The following SLC39A11 variants were observed in gnomAD, a reference collection of about 807,000 sequenced individuals.
The protein encoded by SLC39A11 is solute carrier family 39 member 11.
Under a neutral mutation model 36.1 loss-of-function variants are expected in SLC39A11, and 33 were observed. The ratio of observed to expected loss-of-function variants is 0.91; its 90% CI spans 0.69 to 1.22. The LOEUF (loss-of-function observed/expected upper bound fraction) is 1.22, where lower values mean the gene tolerates loss of function less well. SLC39A11 is among the 50% of genes most tolerant of loss of function. SLC39A11 has a pLI of 0.00. For missense variants in SLC39A11, 432 were observed against 430.3 expected, an observed-to-expected ratio of 1.00 and a Z score of -0.03; for synonymous variants, 166 against 170.3, an observed-to-expected ratio of 0.97 and a Z score of 0.20.
intron 7 of SLC39A11, among the ~76,000 whole-genome samples, chr17:72,686,665 C>T (rs746887023): frequency 1.8e-4 from 28 of 152,204 alleles, no homozygotes; most frequent in Non-Finnish European, 2.8e-4. Flanking sequence ...TATGGCCCAA[C>T]GACATGCTAG....
intron 3 of SLC39A11, among the ~76,000 whole-genome samples, chr17:73,078,492 G>GTTTT (rs200061489): frequency 1.4e-5 from 2 of 140,414 alleles, no homozygotes; most frequent in Non-Finnish European, 1.6e-5. Flanking sequence ...TTTGTTTTTT[G>GTTTT]TTGTTTTTTT....
intron 5 of SLC39A11, among the ~76,000 whole-genome samples, chr17:72,897,649 T>A (rs980399256): frequency 6.6e-6 from 1 of 152,210 alleles, no homozygotes; most frequent in Non-Finnish European, 1.5e-5. Context: ...GAGTTCAGCA[T>A]CTCATAAGCG....
chr17:72,807,753 G>T lies in SLC39A11; in HGVS notation c.601+41881C>A, dbSNP rs577683349. On this transcript the variant is annotated intron_variant, in intron 6 of 9. Transcript: ENST00000255559. ...TCTTCCATCTGGCTGTTCCTGAGTT[G>T]TATCCTTTTAGGATAAAGTGGTAAT... 2.6e-5 allele frequency among the ~76,000 whole-genome samples: 4 copies of T among 152,316 alleles called. No individual in the cohort carries two copies. In the South Asian group the frequency reaches 6.2e-4, roughly 24 times the overall value.
intron 6 of SLC39A11, among the ~76,000 whole-genome samples, chr17:72,772,866 C>T (rs1306478286): frequency 6.6e-6 from 1 of 152,052 alleles, no homozygotes; most frequent in Non-Finnish European, 1.5e-5. Context: ...GATGGATCAC[C>T]TGAGGTCAGG....
intron 6 of SLC39A11, among the ~76,000 whole-genome samples, chr17:72,799,319 T>C (rs2077005933): frequency 6.6e-6 from 1 of 152,184 alleles, no homozygotes; most frequent in Non-Finnish European, 1.5e-5. Context: ...ACTGTACAAA[T>C]TGATTGTAAA....
Position 73,009,092 on chromosome 17 carries a change from GGTGGCTCAC to G in SLC39A11, c.306+22455_306+22463del, listed in dbSNP as rs149724663. ...AAAAAAAAAAAAGGCAGGGGGGCGGGGTGGCTCACGCCTGTAATTTCAGCACTTTGGGAG... is the reference window on the plus strand; with the variant it reads ...AAAAAAAAAAAAGGCAGGGGGGCGGGGCCTGTAATTTCAGCACTTTGGGAG... On this transcript the variant is annotated intron_variant, in intron 4 of 9. Transcript: ENST00000255559. Among the ~76,000 whole-genome samples, 4 of 146,920 alleles carry G rather than the reference GGTGGCTCAC, an allele frequency of 2.7e-5. No individual in the cohort carries two copies. In the East Asian group the frequency reaches 8.2e-4, roughly 30 times the overall value.
intron 5 of SLC39A11, among the ~76,000 whole-genome samples, chr17:72,864,309 CTTTT>C (rs36113238): frequency 4.3e-5 from 6 of 138,324 alleles, no homozygotes; most frequent in Non-Finnish European, 9.4e-5. Context: ...TAAGCATCGG[CTTTT>C]TTTTTTTTTT....
intron 4 of SLC39A11, among the ~76,000 whole-genome samples, chr17:72,974,431 CAAAAAAA>C (rs35927526): frequency 6.0e-5 from 8 of 132,404 alleles, no homozygotes; most frequent in African/African-American, 2.3e-4. Flanking sequence ...CATTTTGTAC[CAAAAAAA>C]AAAAAAAAAA....
At chr17:72,701,014 G>A (rs1022842810) in intron 7 of SLC39A11, among the ~76,000 whole-genome samples, 9 of 152,222 alleles carry the variant, frequency 5.9e-5, no homozygotes, top group Non-Finnish European at 1.0e-4. Context: ...CGTGGTACAC[G>A]TGGGCCCTGC....
At chr17:72,994,528 G>A (rs1212210645) in intron 4 of SLC39A11, among the ~76,000 whole-genome samples, 1 of 152,144 alleles carries the variant, frequency 6.6e-6, no homozygotes, top group Non-Finnish European at 1.5e-5. Context: ...TGGCATGGTG[G>A]CGGTTACAAA....
At chr17:72,734,763 G>A (rs1342345548) in intron 7 of SLC39A11, among the ~76,000 whole-genome samples, 2 of 152,166 alleles carry the variant, frequency 1.3e-5, no homozygotes, top group African/African-American at 4.8e-5. Context: ...TCCATGCCTG[G>A]GGCACAGCTG....
intron 5 of SLC39A11, among the ~76,000 whole-genome samples, chr17:72,933,628 T>C (rs2084561710): frequency 6.6e-6 from 1 of 152,138 alleles, no homozygotes; most frequent in Admixed American, 6.5e-5. Flanking sequence ...CAAGCGATTA[T>C]CTAGCCTCAG....
At chr17:72,755,579 T>G (rs1034553864) in intron 6 of SLC39A11, among the ~76,000 whole-genome samples, 2 of 152,232 alleles carry the variant, frequency 1.3e-5, no homozygotes, top group African/African-American at 2.4e-5. Flanking sequence ...ACTTGGTAAA[T>G]TTAAAGTCAG....
chr17:72,975,119 T>C (rs2087749977), intron 4 of SLC39A11, among the ~76,000 whole-genome samples: 1 of 152,132 alleles, frequency 6.6e-6, no homozygotes, highest in African/African-American at 2.4e-5. Flanking sequence ...CTTTGGGAGA[T>C]GATTAGGTCC....
intron 4 of SLC39A11, among the ~76,000 whole-genome samples, chr17:72,957,503 G>T (rs1361504975): frequency 6.6e-6 from 1 of 152,168 alleles, no homozygotes; most frequent in Non-Finnish European, 1.5e-5. Flanking sequence ...ATTCTTAGAG[G>T]TCTGAAAGTT....
chr17:72,848,002 G>C (rs1181650401), intron 6 of SLC39A11, among the ~76,000 whole-genome samples: 1 of 152,208 alleles, frequency 6.6e-6, no homozygotes, highest in African/African-American at 2.4e-5. Context: ...AACAACAAAA[G>C]GTGGGTCAGC....
At chr17:73,023,710 C>T (rs1433552841) in intron 4 of SLC39A11, among the ~76,000 whole-genome samples, 2 of 152,144 alleles carry the variant, frequency 1.3e-5, no homozygotes, top group African/African-American at 2.4e-5. Flanking sequence ...AGGCTGGTCT[C>T]GATCTCCTGA....
Position 72,847,385 on chromosome 17 carries a change from G to C in SLC39A11, c.601+2249C>G, listed in dbSNP as rs546918590. ...CCACTGCACTCCAGCCTGGGCGACA[G>C]AGCGAGACTCTGTCTCATAAAAAAA... On this transcript the variant is annotated intron_variant, in intron 6 of 9. Coordinates refer to ENST00000255559, the MANE Select transcript of SLC39A11 (RefSeq NM_139177.4). 2.3e-3 allele frequency among the ~76,000 whole-genome samples: 326 copies of C among 141,788 alleles called. 1 individual carries two copies. The highest frequency in any genetic ancestry group is 3.9e-3 in the Non-Finnish European group (256 of 66,442). The allele number at this position is 141,788 out of a possible 152,430, so 93.0% of individuals were successfully genotyped here. A position where few individuals can be genotyped will look rare whatever the true frequency, so the allele number is the denominator to read the frequency against.
At chr17:73,031,860 G>A (rs2058748936) in intron 3 of SLC39A11, 146 bp from the exon 4 acceptor site, 6 of 824,170 alleles carry the variant, frequency 7.3e-6, no homozygotes, top group Non-Finnish European at 1.1e-5. Context: ...GGTACTATCA[G>A]AAACCAAAAA....
Sources: allele counts gnomAD v4.1 joint callset (sites outside exome capture counted in the v4.1 genomes callset), GRCh38; gene constraint gnomAD v4.1.1; transcripts MANE v1.5; gene names NCBI Gene and HGNC (gene_info 2026-07-23, HGNC 2026-07-21).